ADAMTS12: variants seen among roughly 807,000 people sequenced by gnomAD.
ADAMTS12 encodes the protein ADAM metallopeptidase with thrombospondin type 1 motif 12.
In ADAMTS12, 118 loss-of-function variants were observed where a neutral mutation model predicts 167.8. The ratio of observed to expected loss-of-function variants is 0.70; its 90% CI spans 0.61 to 0.82. ADAMTS12 has a LOEUF of 0.82. Ranked by LOEUF, ADAMTS12 falls within the 40% of genes least tolerant of loss-of-function variation. The pLI is 0.00. For missense variants in ADAMTS12, 1,916 were observed against 1,998.8 expected, an observed-to-expected ratio of 0.96 and a Z score of 0.79; for synonymous variants, 704 against 716.9, an observed-to-expected ratio of 0.98 and a Z score of 0.29.
chr5:33,640,808 A>T (rs1051569569), intron 11 of ADAMTS12, among the ~76,000 whole-genome samples: 1 of 150,144 alleles, frequency 6.7e-6, no homozygotes, highest in South Asian at 2.1e-4. Context: ...TAGAAAAAAT[A>T]TATAATATAT....
intron 2 of ADAMTS12, among the ~76,000 whole-genome samples, chr5:33,856,438 G>A (rs1041832713): frequency 2.0e-5 from 3 of 152,090 alleles, no homozygotes. Context: ...GGGAAGGCAG[G>A]TGAAATTGTA....
At chr5:33,561,322 C>G (rs541661075) in intron 19 of ADAMTS12, 143 bp from the exon 20 acceptor site, 1 of 978,026 alleles carries the variant, frequency 1.0e-6, no homozygotes, top group African/African-American at 1.6e-5. Flanking sequence ...ACACTTGGGG[C>G]ACCCCACTCA....
chr5:33,781,221 TGC>T (rs1746113341), intron 2 of ADAMTS12, among the ~76,000 whole-genome samples: 1 of 152,034 alleles, frequency 6.6e-6, no homozygotes, highest in Non-Finnish European at 1.5e-5. Flanking sequence ...CAAATGTCTG[TGC>T]ATGTGTATAA....
At chr5:33,706,064 A>G (rs1404067146) in intron 3 of ADAMTS12, among the ~76,000 whole-genome samples, 2 of 152,194 alleles carry the variant, frequency 1.3e-5, no homozygotes, top group African/African-American at 4.8e-5. Context: ...TACAGATTCA[A>G]TGCAACTCCT....
chr5:33,760,338 T>C (rs1745303906), intron 2 of ADAMTS12, among the ~76,000 whole-genome samples: 1 of 150,558 alleles, frequency 6.6e-6, no homozygotes, highest in Admixed American at 6.6e-5. Context: ...ACAATGTCTG[T>C]AATAGCTTGG....
rs971339533 is a variant in ADAMTS12, at chr5:33,570,085, A to G, written c.3972+5969T>C. The stretch of plus-strand genomic sequence containing the variant: ...GGAACAAACAAAGCTTCCAAGAAAT[A>G]TGGGACTATGTGAAAAGACCAAATC... On this transcript the variant is annotated intron_variant, in intron 19 of 23. Coordinates refer to ENST00000504830, the MANE Select transcript of ADAMTS12 (RefSeq NM_030955.4). Among the ~76,000 whole-genome samples the G allele has an allele frequency of 4.6e-5, 7 of 152,262 alleles. No individual in the cohort carries two copies. The East Asian group carries it at 1.3e-3, about 29-fold the overall frequency.
chr5:33,596,040 G>A lies in ADAMTS12; in HGVS notation c.2548C>T (p.His850Tyr). 1 of 1,614,008 alleles carries A rather than the reference G, an allele frequency of 6.2e-7. No individual in the cohort carries two copies. The highest frequency in any genetic ancestry group is 8.5e-7 in the Non-Finnish European group (1 of 1,179,938). Residue 850 changes from histidine (H) to tyrosine (Y), a missense_variant, in exon 17 of 24, where the codon CAT (histidine) becomes TAT (tyrosine). Physicochemically the swap from His to Tyr is moderately conservative, Grantham distance 83 (BLOSUM62 2). Transcript: ENST00000504830. ...ATCCCGCGGCCCTTCTTTATGCAAT[G>A]GGCAGTTTGGCGGCGGATACCTGGG... ...CGTGIRRQTAHCIKKGRGMVK... is the reference protein window; with the variant it reads ...CGTGIRRQTAYCIKKGRGMVK...
rs546040490 is a variant in ADAMTS12, at chr5:33,700,117, C to T, written c.635-16062G>A. On this transcript the variant is annotated intron_variant, in intron 3 of 23. Transcript: ENST00000504830. ...TGGTGGAAATATAAAATAGTCTACC[C>T]ACTCTGTTTTAACAAACAGTTTGGC... Among the ~76,000 whole-genome samples, 20 of 152,296 alleles carry T rather than the reference C, an allele frequency of 1.3e-4. 1 individual carries two copies. In the South Asian group the frequency reaches 3.9e-3, roughly 30 times the overall value.
intron 16 of ADAMTS12, among the ~76,000 whole-genome samples, chr5:33,597,998 G>A (rs1239497420): frequency 6.6e-6 from 1 of 152,106 alleles, no homozygotes; most frequent in Non-Finnish European, 1.5e-5. Flanking sequence ...TAGTGTCCCT[G>A]TCTCCAGAAG....
intron 3 of ADAMTS12, among the ~76,000 whole-genome samples, chr5:33,717,775 T>C (rs4409096): frequency 0.56 from 85,495 of 152,066 alleles, 25,978 homozygotes; most frequent in Non-Finnish European, 0.69. Flanking sequence ...AGCCCATAAA[T>C]GATGAACAAT....
rs75062205 is a variant in ADAMTS12, at chr5:33,564,731, A to C, written c.3973-3552T>G. 6.6e-5 allele frequency among the ~76,000 whole-genome samples: 10 copies of C among 152,288 alleles called. No individual in the cohort carries two copies. In the East Asian group the frequency reaches 1.9e-3, roughly 29 times the overall value. ...CTTATAAGGGACTTTCCTGAATGTC[A>C]TGGGACTTTTATCATTCATGCCTCT... On this transcript the variant is annotated intron_variant, in intron 19 of 23. Coordinates refer to ENST00000504830, the MANE Select transcript of ADAMTS12 (RefSeq NM_030955.4).
intron 10 of ADAMTS12, among the ~76,000 whole-genome samples, chr5:33,643,067 G>T (rs1740524135): frequency 6.6e-6 from 1 of 152,164 alleles, no homozygotes; most frequent in African/African-American, 2.4e-5. Context: ...AAAGTCAAAA[G>T]GAAGGCTGAT....
chr5:33,870,208 A>C (rs1194243551), intron 2 of ADAMTS12, among the ~76,000 whole-genome samples: 1 of 152,168 alleles, frequency 6.6e-6, no homozygotes, highest in Non-Finnish European at 1.5e-5. Context: ...TTGTGCAGTT[A>C]ATGCAATCAT....
chr5:33,644,483 T>C (rs1251607917), intron 9 of ADAMTS12, among the ~76,000 whole-genome samples: 5 of 152,240 alleles, frequency 3.3e-5, no homozygotes, highest in African/African-American at 1.2e-4. Context: ...TTTAAGTCAA[T>C]AACCACACCT....
chr5:33,854,881 T>C lies in ADAMTS12; in HGVS notation c.489+26238A>G, dbSNP rs953989722. On this transcript the variant is annotated intron_variant, in intron 2 of 23. Transcript: ENST00000504830. ...GTCAGAGGTCAGAGAGAATTCCTCA[T>C]CCTGGGGGGCAGAGTCAGGGGATAA... Among the ~76,000 whole-genome samples, 3 of 152,290 alleles carry C rather than the reference T, an allele frequency of 2.0e-5. No homozygotes were observed. In the East Asian group the frequency reaches 5.8e-4, roughly 29 times the overall value.
At chr5:33,723,148 T>C (rs549445973) in intron 3 of ADAMTS12, among the ~76,000 whole-genome samples, 9 of 152,342 alleles carry the variant, frequency 5.9e-5, no homozygotes, top group Admixed American at 3.9e-4. Flanking sequence ...TCTCCTCCTA[T>C]GCCCTCAGCC....
chr5:33,754,622 C>T (rs1481565560), intron 2 of ADAMTS12, among the ~76,000 whole-genome samples: 2 of 152,152 alleles, frequency 1.3e-5, no homozygotes, highest in Non-Finnish European at 1.5e-5. Flanking sequence ...GTGGGTGGAT[C>T]ACTCAAGGTC....
intron 9 of ADAMTS12, among the ~76,000 whole-genome samples, chr5:33,643,918 C>T (rs1733621811): frequency 6.6e-6 from 1 of 152,216 alleles, no homozygotes; most frequent in African/African-American, 2.4e-5. Flanking sequence ...TAGAAAGCCT[C>T]AGCTTGTTCA....
intron 3 of ADAMTS12, among the ~76,000 whole-genome samples, chr5:33,689,880 G>C (rs960415244): frequency 6.6e-6 from 1 of 152,198 alleles, no homozygotes; most frequent in Non-Finnish European, 1.5e-5. Flanking sequence ...GTAAAGAAAA[G>C]AATGAACCCC....
Sources: gnomAD v4.1 joint callset for allele counts (sites outside exome capture counted in the v4.1 genomes callset) on GRCh38, gnomAD v4.1.1 for gene constraint, MANE v1.5 for transcripts, NCBI Gene and HGNC (gene_info 2026-07-23, HGNC 2026-07-21) for gene names.